The following DNAH8 variants were observed in gnomAD, a reference collection of about 807,000 sequenced individuals.
DNAH8 encodes axonemal beta dynein heavy chain 8.
DNAH8 carries 382 observed loss-of-function variants against 562.1 expected under a neutral mutation model. The ratio of observed to expected loss-of-function variants is 0.68; its 90% CI spans 0.63 to 0.74. The LOEUF is 0.74. DNAH8 is among the 30% of genes least tolerant of loss of function. DNAH8 has a pLI of 0.00. For synonymous variants in DNAH8, 1,881 were observed against 1,919.4 expected, an observed-to-expected ratio of 0.98 and a Z score of 0.52; for missense variants, 5,203 against 5,620.4, an observed-to-expected ratio of 0.93 and a Z score of 2.37.
At chr6:38,753,172 C>G (rs1765611619) in intron 9 of DNAH8, among the ~76,000 whole-genome samples, 1 of 151,864 alleles carries the variant, frequency 6.6e-6, no homozygotes, top group South Asian at 2.1e-4. Flanking sequence ...GTGTTGTGAA[C>G]CTTTGTAAAA....
At chr6:39,012,183 TCTC>T in intron 89 of DNAH8, 29 bp from the exon 90 acceptor site, 1 of 1,523,014 alleles carries the variant, frequency 6.6e-7, no homozygotes, top group South Asian at 1.2e-5. Context: ...GATGAGAAAA[TCTC>T]CTTTATTGCA....
chr6:38,946,548 C>A (rs952285374), intron 80 of DNAH8, among the ~76,000 whole-genome samples: 1 of 152,168 alleles, frequency 6.6e-6, no homozygotes, highest in African/African-American at 2.4e-5. Context: ...CGATGGTTCA[C>A]GCCTGTAATC....
chr6:38,748,288 T>A (rs765110225), intron 8 of DNAH8, among the ~76,000 whole-genome samples: 64 of 152,158 alleles, frequency 4.2e-4, no homozygotes, highest in Admixed American at 2.2e-3. Context: ...TTAGAAAGGA[T>A]ACAAAGCAAA....
intron 80 of DNAH8, among the ~76,000 whole-genome samples, chr6:38,947,062 G>A (rs930112070): frequency 6.6e-6 from 1 of 152,218 alleles, no homozygotes; most frequent in African/African-American, 2.4e-5. Flanking sequence ...GAAGGGCAGA[G>A]TTATTGACCC....
chr6:38,789,198 A>G (rs1421135580), intron 18 of DNAH8, among the ~76,000 whole-genome samples: 1 of 152,206 alleles, frequency 6.6e-6, no homozygotes, highest in Non-Finnish European at 1.5e-5. Context: ...GGGAAAGAGG[A>G]ATCAAGAGCT....
At chr6:38,723,584 C>G in intron 3 of DNAH8, 113 bp downstream of exon 3, 2 of 1,373,638 alleles carry the variant, frequency 1.5e-6, no homozygotes, top group East Asian at 2.3e-5. Context: ...TTCAGAAAGA[C>G]AAAGTTGGGG....
intron 4 of DNAH8, among the ~76,000 whole-genome samples, chr6:38,730,338 C>T (rs996100568): frequency 6.6e-6 from 1 of 152,244 alleles, no homozygotes; most frequent in African/African-American, 2.4e-5. Flanking sequence ...CAGCTACCCC[C>T]TGTGGTCCTA....
At chr6:38,772,053 G>T (rs1414954645) in intron 12 of DNAH8, among the ~76,000 whole-genome samples, 2 of 142,898 alleles carry the variant, frequency 1.4e-5, no homozygotes, top group Admixed American at 1.5e-4. Context: ...TTTTGAGACG[G>T]AGTTTTGCTC....
At chr6:38,845,907 T>C in intron 36 of DNAH8, 134 bp downstream of exon 36, 2 of 705,754 alleles carry the variant, frequency 2.8e-6, no homozygotes, top group Non-Finnish European at 2.4e-6. Context: ...TCTGTTCCTA[T>C]ACAAACTGCC....
chr6:38,880,224 GAGAC>G (rs1170405493), intron 53 of DNAH8, among the ~76,000 whole-genome samples: 1 of 152,140 alleles, frequency 6.6e-6, no homozygotes, highest in Non-Finnish European at 1.5e-5. Flanking sequence ...TCCGGCCTGG[GAGAC>G]AGAGTGAGAC....
intron 80 of DNAH8, among the ~76,000 whole-genome samples, chr6:38,947,809 G>C (rs188759443): frequency 2.3e-4 from 35 of 151,394 alleles, no homozygotes; most frequent in Admixed American, 2.0e-4. Flanking sequence ...GTGCAATGGC[G>C]CAATCTCAGC....
At chr6:38,917,863 A>T in intron 69 of DNAH8, 62 bp from the exon 70 acceptor site, 1 of 1,267,628 alleles carries the variant, frequency 7.9e-7, no homozygotes, top group Non-Finnish European at 1.1e-6. Flanking sequence ...TTAGAAGTAC[A>T]TATTAACTCA....
intron 42 of DNAH8, 25 bp from the exon 43 acceptor site, chr6:38,860,431 AT>A: frequency 3.8e-6 from 5 of 1,326,462 alleles, no homozygotes; most frequent in Admixed American, 3.0e-5. Context: ...TCAGTATATA[AT>A]TTTTTTGTAT....
chr6:38,997,480 G>A (rs925931728), intron 88 of DNAH8, among the ~76,000 whole-genome samples: 2 of 152,182 alleles, frequency 1.3e-5, no homozygotes. Flanking sequence ...GAGGAGTTGG[G>A]AACAGGAGTA....
intron 81 of DNAH8, among the ~76,000 whole-genome samples, chr6:38,950,541 T>G (rs536022069): frequency 2.6e-5 from 4 of 151,286 alleles, no homozygotes; most frequent in African/African-American, 7.3e-5. Flanking sequence ...CCGGGTTCAC[T>G]CCAGTCTCCT....
At chr6:39,019,898 C>T (rs1228653537) in intron 91 of DNAH8, among the ~76,000 whole-genome samples, 2 of 152,060 alleles carry the variant, frequency 1.3e-5, no homozygotes, top group Admixed American at 6.5e-5. Context: ...GGTGGAGGAA[C>T]AGCTGGGAAG....
intron 33 of DNAH8, among the ~76,000 whole-genome samples, chr6:38,838,971 T>G (rs191596966): frequency 7.7e-4 from 117 of 152,324 alleles, no homozygotes; most frequent in South Asian, 1.9e-3. Flanking sequence ...ACGTGAAAAT[T>G]TCATGAAAAT....
At position 38,901,107 on chromosome 6, in the gene DNAH8, T is replaced by C. The variant is rs542914033; in HGVS notation, c.9194+1201T>C. Among the ~76,000 whole-genome samples the C allele has an allele frequency of 3.3e-5, 5 of 152,300 alleles. No homozygotes were observed. The South Asian group carries it at 8.3e-4, about 25-fold the overall frequency. ...CTTATTGATTGTTAGGAATTCTATATGTGTTTTGGATATAAAGGGTGTATA... is the reference window on the plus strand; with the variant it reads ...CTTATTGATTGTTAGGAATTCTATACGTGTTTTGGATATAAAGGGTGTATA... On this transcript the variant is annotated intron_variant, in intron 62 of 92. Coordinates refer to ENST00000327475, the MANE Select transcript of DNAH8 (RefSeq NM_001206927.2).
At chr6:38,992,822 C>T (rs1460683581) in intron 88 of DNAH8, among the ~76,000 whole-genome samples, 2 of 152,108 alleles carry the variant, frequency 1.3e-5, no homozygotes, top group African/African-American at 2.4e-5. Flanking sequence ...CAAAGACAAA[C>T]CATTTTTTCC....
Sources: gnomAD v4.1 joint callset for allele counts (sites outside exome capture counted in the v4.1 genomes callset) on GRCh38, gnomAD v4.1.1 for gene constraint, MANE v1.5 for transcripts, NCBI Gene and HGNC (gene_info 2026-07-23, HGNC 2026-07-21) for gene names.